Variants in PRIMPOL observed in about 807,000 individuals in gnomAD.
PRIMPOL encodes the protein DNA-directed primase/polymerase protein.
PRIMPOL carries 54 observed loss-of-function variants against 63.6 expected under a neutral mutation model. That is an observed-to-expected ratio of 0.85 (90% CI 0.68 to 1.07). The LOEUF is 1.07. PRIMPOL is among the 50% of genes least tolerant of loss of function. PRIMPOL has a pLI of 0.00. For synonymous variants in PRIMPOL, 197 were observed against 220.2 expected, an observed-to-expected ratio of 0.89 and a Z score of 0.93; for missense variants, 610 against 648.3, an observed-to-expected ratio of 0.94 and a Z score of 0.64.
rs1230469885 is a variant in PRIMPOL at position 184,658,032 on chromosome 4, AAATATC to A, written c.180+714_180+719del. ...TAAATAAATAAATAAATAAATAAAT[AAATATC>A]ACTAAATCAAGCAACAGATGTGTAT... On this transcript the variant is annotated intron_variant, in intron 3 of 13. Coordinates refer to ENST00000314970, the MANE Select transcript of PRIMPOL (RefSeq NM_152683.4). 8.1e-3 allele frequency among the ~76,000 whole-genome samples: 1,196 copies of A among 148,060 alleles called. 20 individuals carry two copies. Among genetic ancestry groups the A allele is most frequent in the African/African-American group, 0.028 (1,110 of 39,738 alleles).
chr4:184,651,148 G>T (rs1744276325), intron 1 of PRIMPOL, among the ~76,000 whole-genome samples: 1 of 151,980 alleles, frequency 6.6e-6, no homozygotes, highest in South Asian at 2.1e-4. Flanking sequence ...AAAATTAGCC[G>T]GGTGCAGTGG....
chr4:184,687,388 C>T (rs115485908), intron 11 of PRIMPOL, among the ~76,000 whole-genome samples: 4,487 of 151,876 alleles, frequency 0.03, 229 homozygotes, highest in African/African-American at 0.1. Flanking sequence ...CACTTGTATA[C>T]GCACATTTTA....
intron 6 of PRIMPOL, among the ~76,000 whole-genome samples, chr4:184,669,080 C>G (rs1009147369): frequency 6.6e-6 from 1 of 152,234 alleles, no homozygotes; most frequent in Non-Finnish European, 1.5e-5. Context: ...CCTTACCATT[C>G]GTGCATTCAT....
At position 184,686,595 on chromosome 4, in the gene PRIMPOL, A is replaced by T. The variant is rs1757028486; in HGVS notation, c.1295+911A>T. On this transcript the variant is annotated intron_variant, in intron 11 of 13. Coordinates refer to ENST00000314970, the MANE Select transcript of PRIMPOL (RefSeq NM_152683.4). ...AAATAGAACTTTAAAATATAAAAGG[A>T]TGTGATTAGAATAGAGATAAATAGA... 2.0e-5 allele frequency among the ~76,000 whole-genome samples: 3 copies of T among 152,162 alleles called. 1 individual carries two copies. The highest frequency in any genetic ancestry group is 1.3e-4 in the Admixed American group (2 of 15,264).
chr4:184,658,573 A>G (rs1747275870), intron 3 of PRIMPOL, among the ~76,000 whole-genome samples: 1 of 152,184 alleles, frequency 6.6e-6, no homozygotes, highest in African/African-American at 2.4e-5. Context: ...AGGCATGAGC[A>G]GTTATATTTA....
intron 7 of PRIMPOL, among the ~76,000 whole-genome samples, chr4:184,677,341 G>A (rs763495720): frequency 1.3e-4 from 19 of 151,900 alleles, no homozygotes; most frequent in Non-Finnish European, 2.4e-4. Flanking sequence ...TCACTTTTTC[G>A]TATGTGGATA....
chr4:184,674,822 A>G (rs1184168500), intron 7 of PRIMPOL, among the ~76,000 whole-genome samples: 1 of 152,200 alleles, frequency 6.6e-6, no homozygotes, highest in Non-Finnish European at 1.5e-5. Context: ...AGTTTAGGTC[A>G]TCTGTTTACA....
rs1750551423 is a variant in PRIMPOL, at chr4:184,667,994, A to T, written c.556+1930A>T. 2.0e-5 allele frequency among the ~76,000 whole-genome samples: 3 copies of T among 152,166 alleles called. No individual in the cohort carries two copies. In the South Asian group the frequency reaches 6.2e-4, roughly 32 times the overall value. ...ATGGCTTGAAAATGAACCATTTAAA[A>T]TGTTTTCTCACAATCCTTCAGATAT... On this transcript the variant is annotated intron_variant, in intron 6 of 13. Transcript: ENST00000314970.
chr4:184,677,077 A>G (rs946425172), intron 7 of PRIMPOL, among the ~76,000 whole-genome samples: 17 of 86,786 alleles, frequency 2.0e-4, no homozygotes, highest in African/African-American at 7.4e-4. Flanking sequence ...TTTCCTTTCT[A>G]TTTCCACCTC....
At chr4:184,675,847 TC>T (rs1186040161) in intron 7 of PRIMPOL, among the ~76,000 whole-genome samples, 1 of 151,890 alleles carries the variant, frequency 6.6e-6, no homozygotes, top group Non-Finnish European at 1.5e-5. Context: ...ACAAAAAAAC[TC>T]ACATATAAGT....
At chr4:184,678,519 A>T in intron 8 of PRIMPOL, 125 bp downstream of exon 8, 1 of 645,404 alleles carries the variant, frequency 1.5e-6, no homozygotes, top group Non-Finnish European at 2.4e-6. Flanking sequence ...GTCAGTTCTT[A>T]CAGCTCTTTT....
chr4:184,693,471 A>G (rs1220537662), intron 13 of PRIMPOL, among the ~76,000 whole-genome samples: 1 of 152,170 alleles, frequency 6.6e-6, no homozygotes, highest in Non-Finnish European at 1.5e-5. Context: ...AAGATATATA[A>G]TGAACACCCA....
intron 6 of PRIMPOL, among the ~76,000 whole-genome samples, chr4:184,668,109 T>C (rs565865056): frequency 1.8e-4 from 28 of 152,350 alleles, no homozygotes; most frequent in Admixed American, 1.7e-3. Flanking sequence ...TATGCATCTA[T>C]GTTGATGACT....
At chr4:184,666,155 T>G in intron 6 of PRIMPOL, 91 bp downstream of exon 6, 1 of 977,634 alleles carries the variant, frequency 1.0e-6, no homozygotes, top group Non-Finnish European at 1.5e-6. Context: ...CTTATCAAGT[T>G]TTATGGTCAT....
intron 2 of PRIMPOL, among the ~76,000 whole-genome samples, chr4:184,655,049 C>T (rs1405409141): frequency 1.3e-5 from 2 of 151,350 alleles, no homozygotes; most frequent in Non-Finnish European, 2.9e-5. Context: ...CCCAGCTACT[C>T]AGGAGGCTAG....
intron 3 of PRIMPOL, among the ~76,000 whole-genome samples, chr4:184,658,442 A>C (rs1271656582): frequency 6.6e-6 from 1 of 152,222 alleles, no homozygotes; most frequent in African/African-American, 2.4e-5. Context: ...AGGGTTAAGC[A>C]ACTGAGTCCT....
chr4:184,650,222 C>G (rs1240289960), intron 1 of PRIMPOL, among the ~76,000 whole-genome samples: 1 of 152,192 alleles, frequency 6.6e-6, no homozygotes, highest in Non-Finnish European at 1.5e-5. Context: ...ATAAATGTTA[C>G]AAGTTAAGCA....
chr4:184,650,399 GGCCCCA>G, intron 1 of PRIMPOL, among the ~76,000 whole-genome samples: 1 of 152,254 alleles, frequency 6.6e-6, no homozygotes, highest in Non-Finnish European at 1.5e-5. Flanking sequence ...AGCTGCCGAA[GGCCCCA>G]TCTTTTATAG....
At chr4:184,669,205 T>C (rs1750889046) in intron 6 of PRIMPOL, among the ~76,000 whole-genome samples, 1 of 152,224 alleles carries the variant, frequency 6.6e-6, no homozygotes, top group South Asian at 2.1e-4. Flanking sequence ...CATTTTCTTG[T>C]TTACTCCTTA....
Sources: allele counts gnomAD v4.1 joint callset (sites outside exome capture counted in the v4.1 genomes callset), GRCh38; gene constraint gnomAD v4.1.1; transcripts MANE v1.5; gene names NCBI Gene and HGNC (gene_info 2026-07-23, HGNC 2026-07-21).